The following NCOR2 variants were observed in gnomAD, a reference collection of about 807,000 sequenced individuals.
NCOR2 encodes nuclear receptor corepressor 2.
A neutral mutation model predicts 262.9 loss-of-function variants in NCOR2; 81 were observed. That is an observed-to-expected ratio of 0.31 (90% CI 0.26 to 0.37). NCOR2 has a LOEUF of 0.37. NCOR2 is among the 10% of genes least tolerant of loss of function. The pLI, the probability that NCOR2 is intolerant of heterozygous loss-of-function variation, is 1.00. For missense variants in NCOR2, 3,385 were observed against 3,621.4 expected (o/e 0.93, Z 1.68); for synonymous variants, 1,659 against 1,559.3 (o/e 1.06, Z -1.51).
intron 28 of NCOR2, 28 bp from the exon 31 acceptor site, chr12:124,348,342 G>A (rs1257323114): frequency 3.8e-6 from 6 of 1,582,386 alleles, no homozygotes; most frequent in Non-Finnish European, 5.2e-6. Flanking sequence ...CACTCGGTGA[G>A]GAGCTGGGCA....
intron 43 of NCOR2, among the ~76,000 whole-genome samples, chr12:124,331,180 A>C (rs1044614024): frequency 6.6e-6 from 1 of 150,548 alleles, no homozygotes; most frequent in Non-Finnish European, 1.5e-5. Flanking sequence ...CTCCTGCCTC[A>C]GCCTCCCGAG....
intron 22 of NCOR2, among the ~76,000 whole-genome samples, chr12:124,358,877 T>C (rs1214894369): frequency 1.3e-5 from 2 of 152,344 alleles, no homozygotes; most frequent in South Asian, 2.1e-4. Context: ...AGGAACTGAC[T>C]GACTGTCCCC....
rs751087849 is a variant in NCOR2, at chr12:124,457,211, C to A, written c.706-49G>T. 1 of 1,524,368 alleles carries A rather than the reference C, an allele frequency of 6.6e-7. No individual in the cohort carries two copies. The highest frequency in any genetic ancestry group is 8.8e-7 in the Non-Finnish European group (1 of 1,141,508). The allele number at this position is 1,524,368 out of a possible 1,614,324, so 94.4% of individuals were successfully genotyped here. A position where few individuals can be genotyped will look rare whatever the true frequency, so the allele number is the denominator to read the frequency against. ...GGAATTTTTTTAAAAAACAAAAAAA[C>A]ACAGATTATAAATAGAGGCTTCCCG... On this transcript the variant is annotated intron_variant, in intron 5 of 46. Transcript: ENST00000405201. The surrounding 1 kb of genome is among the most constrained non-coding windows in gnomAD (Gnocchi z 4.0).
Position 124,327,638 on chromosome 12 carries a change from G to A in NCOR2, c.6959-5C>T. The A allele has an allele frequency of 6.3e-7, 1 of 1,596,258 alleles. No homozygotes were observed. The highest frequency in any genetic ancestry group is 8.5e-7 in the Non-Finnish European group (1 of 1,174,980). On this transcript the variant is annotated splice_region_variant and splice_polypyrimidine_tract_variant and intron_variant, in intron 44 of 46. Coordinates refer to ENST00000405201, the Ensembl canonical transcript of NCOR2. ...GGCTTCTATAGGTCATAAGGCCTGG[G>A]AGAGAGAGACAGACAGACAGACAGA...
chr12:124,348,155 G>T lies in NCOR2; in HGVS notation c.3985+19C>A. The T allele has an allele frequency of 6.2e-7, 1 of 1,608,028 alleles. No individual in the cohort carries two copies. Among genetic ancestry groups the T allele is most frequent in the Non-Finnish European group, 8.5e-7 (1 of 1,179,994 alleles). On this transcript the variant is annotated intron_variant, in intron 29 of 46. Coordinates refer to ENST00000405201, the Ensembl canonical transcript of NCOR2. Reference sequence around the variant, plus strand: ...CCACCAGGGGGCACCGAGAGATGAAGTCTCCTCCCTGCTATCACCTTCGAT... The same window carrying T: ...CCACCAGGGGGCACCGAGAGATGAATTCTCCTCCCTGCTATCACCTTCGAT...
chr12:124,343,919 T>A (rs2036681828), intron 32 of NCOR2, among the ~76,000 whole-genome samples: 1 of 152,194 alleles, frequency 6.6e-6, no homozygotes, highest in African/African-American at 2.4e-5. Flanking sequence ...TGAGCCACCA[T>A]GCCTGGCCGG....
intron 1 of NCOR2, chr12:124,513,802 A>T (rs1593916437): frequency 6.6e-6 from 1 of 152,248 alleles, no homozygotes; most frequent in East Asian, 1.9e-4. Context: ...GTTCCTTCTC[A>T]TGACTGTATC....
chr12:124,336,606 C>G, intron 38 of NCOR2, 147 bp downstream of exon 40: 1 of 1,460,452 alleles, frequency 6.8e-7, no homozygotes, highest in Non-Finnish European at 9.0e-7. Context: ...CTTTGGACCA[C>G]GAGACGGGGT....
In NCOR2 at chr12:124,402,271, C is replaced by T. The variant is rs936048407; in HGVS notation, c.1640+133G>A. On this transcript the variant is annotated intron_variant, in intron 14 of 46. Coordinates refer to ENST00000405201, the Ensembl canonical transcript of NCOR2. ...AGGGGGGCTGTCAGGGGCAAACGAG[C>T]AGAAAGCCCTCCCCCCTGCTCACAG... 6.6e-6 allele frequency: 10 copies of T among 1,505,244 alleles called. No individual in the cohort carries two copies. In the African/African-American group the frequency reaches 1.4e-4, roughly 21 times the overall value. 93.2% of individuals were successfully genotyped at this position (1,505,244 alleles called of 1,614,324 possible). A position where few individuals can be genotyped will look rare whatever the true frequency, so the allele number is the denominator to read the frequency against.
chr12:124,355,867 C>A lies in NCOR2; in HGVS notation c.3242-296G>T, dbSNP rs751992962. On this transcript the variant is annotated intron_variant, in intron 23 of 46. Transcript: ENST00000405201. ...ATTTCCACTGTAGCCCCCAGTAGCCCCTTCCCCTTATAGGAACCAAAAGGA... is the reference window on the plus strand; with the variant it reads ...ATTTCCACTGTAGCCCCCAGTAGCCACTTCCCCTTATAGGAACCAAAAGGA... Among the ~76,000 whole-genome samples the A allele has an allele frequency of 4.1e-4, 62 of 152,182 alleles. 1 individual carries two copies. Among genetic ancestry groups the A allele is most frequent in the Admixed American group, 2.9e-3 (45 of 15,284 alleles).
intron 1 of NCOR2, among the ~76,000 whole-genome samples, chr12:124,510,379 G>T (rs1244307889): frequency 6.6e-6 from 1 of 152,246 alleles, no homozygotes; most frequent in Non-Finnish European, 1.5e-5. Flanking sequence ...GCCCTGAGCA[G>T]CCACGGGAGG....
chr12:124,346,041 T>G (rs2036898357), intron 31 of NCOR2, among the ~76,000 whole-genome samples: 1 of 152,154 alleles, frequency 6.6e-6, no homozygotes. Context: ...GTGGGTGCAG[T>G]GGATGCTGCG....
rs749606268 is a variant in NCOR2 at position 124,355,620 on chromosome 12, C to T, written c.3242-49G>A. On this transcript the variant is annotated intron_variant, in intron 23 of 46. Coordinates refer to ENST00000405201, the Ensembl canonical transcript of NCOR2. ...TGTGGGGCCCAGGAGCGGTCACGTCCCTGCCGGACACACACTCCAGGCTGC... is the reference window on the plus strand; with the variant it reads ...TGTGGGGCCCAGGAGCGGTCACGTCTCTGCCGGACACACACTCCAGGCTGC... The T allele has an allele frequency of 6.0e-6, 9 of 1,499,658 alleles. No homozygotes were observed. The South Asian group carries it at 1.1e-4, about 18-fold the overall frequency. 92.9% of individuals were successfully genotyped at this position (1,499,658 alleles called of 1,614,324 possible).
intron 1 of NCOR2, among the ~76,000 whole-genome samples, chr12:124,550,164 A>AGC (rs111477225): frequency 6.6e-6 from 1 of 151,802 alleles, no homozygotes; most frequent in Admixed American, 6.6e-5. Context: ...AGAGTGACCC[A>AGC]ACCCCCAAAA....
chr12:124,371,853 G>A (rs2039549457), intron 20 of NCOR2, among the ~76,000 whole-genome samples, 169 bp downstream of exon 22: 1 of 152,126 alleles, frequency 6.6e-6, no homozygotes, highest in Admixed American at 6.5e-5. Flanking sequence ...GCCCCTTCCT[G>A]GCCTGCATCT....
intron 28 of NCOR2, among the ~76,000 whole-genome samples, chr12:124,350,300 G>A (rs886102356): frequency 2.0e-5 from 3 of 152,018 alleles, no homozygotes; most frequent in South Asian, 2.1e-4. Context: ...GAGGCCTGGC[G>A]GCGTGAGCTC....
chr12:124,379,803 G>C (rs1055480278), intron 17 of NCOR2, among the ~76,000 whole-genome samples: 3 of 152,222 alleles, frequency 2.0e-5, no homozygotes, highest in African/African-American at 7.2e-5. Flanking sequence ...AAATCCAACA[G>C]GACTGACAGC....
chr12:124,378,390 G>T lies in NCOR2; in HGVS notation c.2020-6C>A, dbSNP rs753332106. The T allele has an allele frequency of 1.9e-6, 3 of 1,608,228 alleles. No individual in the cohort carries two copies. In the Admixed American group the frequency reaches 5.0e-5, roughly 27 times the overall value. On this transcript the variant is annotated splice_polypyrimidine_tract_variant and splice_region_variant and intron_variant, in intron 17 of 46. Transcript: ENST00000405201. This position sits in a 1 kb window ranked among gnomAD's most constrained non-coding sequence, Gnocchi z 4.2. ...CGCGCGTTCCTCTCCTTCTCCTGGG[G>T]CACAGGGAAGCAGCAGATCAGGACT... is the stretch of plus-strand genomic sequence containing the variant.
intron 1 of NCOR2, among the ~76,000 whole-genome samples, chr12:124,490,936 G>T (rs537739189): frequency 6.6e-6 from 1 of 152,210 alleles, no homozygotes; most frequent in South Asian, 2.1e-4. Context: ...ACCCCATATC[G>T]ATTTGTGACA....
Sources: gnomAD v4.1 joint callset for allele counts (sites outside exome capture counted in the v4.1 genomes callset) on GRCh38, gnomAD v4.1.1 for gene constraint, Gnocchi (gnomAD v3.1) non-coding constraint, MANE v1.5 for transcripts, NCBI Gene and HGNC (gene_info 2026-07-23, HGNC 2026-07-21) for gene names.